Variants in AFDN observed in about 807,000 individuals in gnomAD.
The protein encoded by AFDN is afadin.
Under a neutral mutation model 216.6 loss-of-function variants are expected in AFDN, and 68 were observed. That is an observed-to-expected ratio of 0.31 (90% CI 0.26 to 0.38). The LOEUF (loss-of-function observed/expected upper bound fraction) is 0.38, where lower values mean the gene tolerates loss of function less well. Ranked by LOEUF, AFDN falls within the 10% of genes least tolerant of loss-of-function variation. The pLI is 1.00. For missense variants in AFDN, 2,136 were observed against 2,342.0 expected (o/e 0.91, Z 1.82); for synonymous variants, 868 against 853.7 (o/e 1.02, Z -0.29).
chr6:167,952,344 C>A, intron 30 of AFDN, 157 bp downstream of exon 30: 1 of 1,504,452 alleles, frequency 6.6e-7, no homozygotes. Flanking sequence ...TGGCTGATGT[C>A]GTAGAGAAAT....
chr6:167,838,824 G>C (rs906895013), intron 1 of AFDN, among the ~76,000 whole-genome samples: 1 of 152,150 alleles, frequency 6.6e-6, no homozygotes, highest in Non-Finnish European at 1.5e-5. Flanking sequence ...ATGAATCATG[G>C]GTGCTCTGAA....
intron 19 of AFDN, among the ~76,000 whole-genome samples, chr6:167,916,595 G>C (rs190088849): frequency 1.3e-5 from 2 of 152,088 alleles, no homozygotes; most frequent in East Asian, 3.8e-4. Flanking sequence ...AAACTAGGAG[G>C]TGATGTTTTG....
At chr6:167,858,506 A>G (rs1340196467) in intron 1 of AFDN, among the ~76,000 whole-genome samples, 1 of 152,200 alleles carries the variant, frequency 6.6e-6, no homozygotes, top group Non-Finnish European at 1.5e-5. Flanking sequence ...TTTGCTTGGA[A>G]GATGACCTTT....
At chr6:167,876,833 C>T (rs1457602244) in intron 5 of AFDN, among the ~76,000 whole-genome samples, 2 of 151,928 alleles carry the variant, frequency 1.3e-5, no homozygotes, top group Admixed American at 6.6e-5. Flanking sequence ...TCCCCAGATT[C>T]CCCCATGTAT....
At chr6:167,895,083 T>G (rs561822346) in intron 9 of AFDN, among the ~76,000 whole-genome samples, 1 of 152,312 alleles carries the variant, frequency 6.6e-6, no homozygotes, top group South Asian at 2.1e-4. Flanking sequence ...TTGCTAACTA[T>G]GGACCGTATG....
At position 167,969,189 on chromosome 6, in the gene AFDN, G is replaced by C; in HGVS notation, c.5333G>C (p.Arg1778Pro). 10 of 1,613,446 alleles carry C rather than the reference G, an allele frequency of 6.2e-6. No individual in the cohort carries two copies. The highest frequency in any genetic ancestry group is 8.5e-6 in the Non-Finnish European group (10 of 1,179,420). Residue 1778 changes from arginine (R) to proline (P), a missense_variant, in exon 33 of 34, where the codon CGC (arginine) becomes CCC (proline). This residue lies in a region of AFDN where 981 missense variants were observed against 966.0 expected (regional missense o/e 1.02). Transcript: ENST00000683244. ...GCCTGTCGGGATGCAAAAGAGAAGCGCTCTAAAAGGTATGGACGGTTGCAC... is the reference window on the plus strand; with the variant it reads ...GCCTGTCGGGATGCAAAAGAGAAGCCCTCTAAAAGGTATGGACGGTTGCAC... ...HDACRDAKEK[R>P]SKSQDADSPG...
At chr6:167,878,776 T>C (rs1400922988) in intron 5 of AFDN, among the ~76,000 whole-genome samples, 4 of 152,212 alleles carry the variant, frequency 2.6e-5, no homozygotes, top group African/African-American at 9.6e-5. Flanking sequence ...CTGTCCGTAC[T>C]GGCCAGTGAA....
At chr6:167,963,283 A>T in intron 31 of AFDN, 1 of 1,063,096 alleles carries the variant, frequency 9.4e-7, no homozygotes, top group Non-Finnish European at 1.1e-6. Flanking sequence ...GTAGCCGTTG[A>T]GCTCCCTGTG....
chr6:167,840,366 T>G (rs1025800078), intron 1 of AFDN, among the ~76,000 whole-genome samples: 21 of 152,212 alleles, frequency 1.4e-4, no homozygotes, highest in African/African-American at 4.8e-4. Flanking sequence ...GCCTTTGCCC[T>G]TTTGACATCA....
chr6:167,914,055 G>A (rs1790741450), intron 16 of AFDN, 113 bp from the exon 17 acceptor site: 7 of 1,125,744 alleles, frequency 6.2e-6, no homozygotes, highest in Non-Finnish European at 8.8e-6. Flanking sequence ...TAAATACCTT[G>A]GTGAAATGGG....
intron 23 of AFDN, among the ~76,000 whole-genome samples, chr6:167,933,073 C>G (rs1330429136): frequency 2.0e-5 from 3 of 152,290 alleles, no homozygotes; most frequent in African/African-American, 7.2e-5. Flanking sequence ...CGCTATGTAA[C>G]TTGCTGAAGA....
intron 5 of AFDN, among the ~76,000 whole-genome samples, chr6:167,878,135 T>C (rs1367367312): frequency 6.6e-6 from 1 of 152,264 alleles, no homozygotes; most frequent in East Asian, 1.9e-4. Flanking sequence ...TTCTTCCTCT[T>C]GGGTTTTTTA....
intron 4 of AFDN, among the ~76,000 whole-genome samples, chr6:167,873,722 A>G (rs1328148077): frequency 6.6e-6 from 1 of 152,198 alleles, no homozygotes. Flanking sequence ...TACAGTATAT[A>G]ATACCTTCCA....
chr6:167,840,021 T>C (rs1158151321), intron 1 of AFDN, among the ~76,000 whole-genome samples: 1 of 152,010 alleles, frequency 6.6e-6, no homozygotes, highest in Admixed American at 6.5e-5. Context: ...AGAATCTCAT[T>C]GTGGTGGAAG....
At chr6:167,864,257 G>C in intron 1 of AFDN, 1 of 609,770 alleles carries the variant, frequency 1.6e-6, no homozygotes, top group Middle Eastern at 2.7e-4. Context: ...TGAGTGTCAT[G>C]GTGTGCCTAC....
chr6:167,913,137 T>C (rs588067), intron 15 of AFDN, among the ~76,000 whole-genome samples: 5,546 of 152,308 alleles, frequency 0.036, 163 homozygotes, highest in Non-Finnish European at 0.048. Flanking sequence ...GTGTTTATGG[T>C]AACATCATAT....
chr6:167,852,834 C>G (rs1275528376), intron 1 of AFDN, among the ~76,000 whole-genome samples: 1 of 152,066 alleles, frequency 6.6e-6, no homozygotes, highest in Non-Finnish European at 1.5e-5. Flanking sequence ...AACTTGAGGT[C>G]ATTTCTGCTG....
intron 6 of AFDN, among the ~76,000 whole-genome samples, chr6:167,887,459 C>CT (rs1187869513): frequency 2.6e-5 from 2 of 75,668 alleles, no homozygotes; most frequent in African/African-American, 9.8e-5. Context: ...TTTTTTTTTT[C>CT]TTTTTTTCCT....
chr6:167,864,561 TC>T lies in AFDN; in HGVS notation c.118del (p.His40MetfsTer3). 6.2e-7 allele frequency: 1 copy of T among 1,613,634 alleles called. No individual in the cohort carries two copies. Among genetic ancestry groups the T allele is most frequent in the Non-Finnish European group, 8.5e-7 (1 of 1,179,782 alleles). The part of the protein sequence containing the change: ...EISQPTEDLE[F>X]HGVMRFYFQD... ...TTTGTTTTCTTTTAGGATTTGGAGT[TC>T]CATGGAGTGATGAGATTTTATTTTC... On this transcript the variant is annotated frameshift_variant, in exon 2 of 34. Coordinates refer to ENST00000683244, the MANE Select transcript of AFDN (RefSeq NM_001386888.1). LOFTEE classifies it high-confidence loss of function.
Sources: allele counts gnomAD v4.1 joint callset (sites outside exome capture counted in the v4.1 genomes callset), GRCh38; gene constraint gnomAD v4.1.1; regional missense constraint gnomAD v4.1.1; transcripts MANE v1.5; gene names NCBI Gene and HGNC (gene_info 2026-07-23, HGNC 2026-07-21).